Variants in GAPVD1 observed in about 807,000 individuals in gnomAD.
The protein encoded by GAPVD1 is GTPase-activating protein and VPS9 domain-containing protein 1.
In GAPVD1, 35 loss-of-function variants were observed where a neutral mutation model predicts 155.5. That is an observed-to-expected ratio of 0.23 (90% CI 0.17 to 0.30). The LOEUF is 0.30. GAPVD1 is among the 10% of genes least tolerant of loss of function. The pLI is 1.00. For synonymous variants in GAPVD1, 636 were observed against 619.7 expected (o/e 1.03, Z -0.39); for missense variants, 1,429 against 1,775.7 (o/e 0.80, Z 3.51).
At chr9:125,321,097 AAGGTT>A (rs1199655068) in intron 9 of GAPVD1, among the ~76,000 whole-genome samples, 2 of 152,180 alleles carry the variant, frequency 1.3e-5, no homozygotes, top group African/African-American at 4.8e-5. Context: ...TTGCCTATCC[AAGGTT>A]ACATAGTTGA....
intron 2 of GAPVD1, among the ~76,000 whole-genome samples, chr9:125,278,025 A>C (rs1426564622): frequency 6.6e-6 from 1 of 152,148 alleles, no homozygotes; most frequent in Non-Finnish European, 1.5e-5. Flanking sequence ...TTAATGCCTG[A>C]CAATTTTTAG....
At position 125,356,922 on chromosome 9, in the gene GAPVD1, G is replaced by T. The variant is rs139725849; in HGVS notation, c.3971+1065G>T. ...ACTTCTGACCTCAGATGATCCGCTCGTCTTGGCCTCCCAAAGTGCTGAGAT... is the reference window on the plus strand; with the variant it reads ...ACTTCTGACCTCAGATGATCCGCTCTTCTTGGCCTCCCAAAGTGCTGAGAT... On this transcript the variant is annotated intron_variant, in intron 25 of 27. Transcript: ENST00000297933. Among the ~76,000 whole-genome samples the T allele has an allele frequency of 2.0e-3, 297 of 152,294 alleles. 1 individual carries two copies. The highest frequency in any genetic ancestry group is 6.1e-3 in the African/African-American group (255 of 41,558).
At chr9:125,348,190 G>A (rs903575799) in intron 20 of GAPVD1, among the ~76,000 whole-genome samples, 1 of 151,984 alleles carries the variant, frequency 6.6e-6, no homozygotes, top group Non-Finnish European at 1.5e-5. Context: ...TGAGTAGCTG[G>A]GACCACAAGC....
At position 125,355,761 on chromosome 9, in the gene GAPVD1, T is replaced by G; in HGVS notation, c.3875T>G (p.Leu1292Arg). ...VIWQNASEEQ[L>R]QDAQLAIERS... is the part of the protein sequence containing the mutation. ...TGGCAAAACGCGAGTGAAGAACAGC[T>G]TCAAGATGCACAGCTGGCCATTGAG... Residue 1292 changes from leucine (L) to arginine (R), a missense_variant, in exon 25 of 28, where the codon CTT (leucine) becomes CGT (arginine). Transcript: ENST00000297933. 6.2e-7 allele frequency: 1 copy of G among 1,613,296 alleles called. No homozygotes were observed. The highest frequency in any genetic ancestry group is 1.1e-5 in the South Asian group (1 of 91,064).
intron 11 of GAPVD1, 117 bp downstream of exon 11, chr9:125,324,040 C>CCTG: frequency 1.3e-6 from 1 of 799,268 alleles, no homozygotes; most frequent in South Asian, 1.7e-5. Context: ...CACCATTAAA[C>CCTG]TTAACATTTA....
intron 2 of GAPVD1, among the ~76,000 whole-genome samples, chr9:125,286,573 A>T (rs1837742450): frequency 6.6e-6 from 1 of 152,170 alleles, no homozygotes; most frequent in African/African-American, 2.4e-5. Flanking sequence ...ATGTTAATTT[A>T]AAAATTCTTT....
intron 2 of GAPVD1, among the ~76,000 whole-genome samples, chr9:125,278,873 G>T (rs1338245189): frequency 6.6e-6 from 1 of 151,680 alleles, no homozygotes; most frequent in Non-Finnish European, 1.5e-5. Flanking sequence ...AAAATTATTT[G>T]ATTGATAAAA....
At chr9:125,307,156 T>C (rs1471233380) in intron 6 of GAPVD1, among the ~76,000 whole-genome samples, 3 of 151,608 alleles carry the variant, frequency 2.0e-5, no homozygotes, top group Non-Finnish European at 4.4e-5. Context: ...TCCCAGCTAC[T>C]CGGGAGGCTG....
At chr9:125,357,518 G>T (rs1326397543) in intron 25 of GAPVD1, among the ~76,000 whole-genome samples, 1 of 152,138 alleles carries the variant, frequency 6.6e-6, no homozygotes, top group African/African-American at 2.4e-5. Flanking sequence ...GGCAGAGGTT[G>T]CAGTGAGCTG....
rs545833903 is a variant in GAPVD1, at chr9:125,326,684, T to A, written c.2032+95T>A. Reference sequence around the variant, plus strand: ...GGAGCACCAGTGCCCTGACAAACATTGTGTGTGTTAGCACCATCTGGGAAA... The same window carrying A: ...GGAGCACCAGTGCCCTGACAAACATAGTGTGTGTTAGCACCATCTGGGAAA... On this transcript the variant is annotated intron_variant, in intron 12 of 27. Transcript: ENST00000297933. 214 of 838,282 alleles carry A rather than the reference T, an allele frequency of 2.6e-4. 1 individual carries two copies. Among genetic ancestry groups the A allele is most frequent in the Middle Eastern group, 1.8e-3 (8 of 4,408 alleles). 51.9% of individuals were successfully genotyped at this position (838,282 alleles called of 1,614,324 possible).
chr9:125,342,911 G>A (rs1310154295), intron 19 of GAPVD1, among the ~76,000 whole-genome samples: 1 of 152,252 alleles, frequency 6.6e-6, no homozygotes, highest in Middle Eastern at 3.4e-3. Flanking sequence ...AAATACAGCT[G>A]GGGGTTGGGT....
intron 17 of GAPVD1, among the ~76,000 whole-genome samples, chr9:125,338,594 TC>T (rs1382820843): frequency 6.6e-6 from 1 of 152,250 alleles, no homozygotes; most frequent in Non-Finnish European, 1.5e-5. Context: ...TCTCGAATGT[TC>T]CTCAGGTTAG....
chr9:125,363,910 T>A lies in GAPVD1; in HGVS notation c.*1164T>A, dbSNP rs1482376162. On this transcript the variant is annotated 3_prime_UTR_variant, in exon 28 of 28. Transcript: ENST00000297933. ...AAAGTCTGTGTTTTCATAGTTTGGT[T>A]TGCATTGTATATCAATAATTAATCA... The A allele has an allele frequency of 6.6e-6, 1 of 152,648 alleles. No individual in the cohort carries two copies. Among genetic ancestry groups the A allele is most frequent in the African/African-American group, 2.4e-5 (1 of 41,448 alleles). 9.5% of individuals were successfully genotyped at this position (152,648 alleles called of 1,614,324 possible).
At position 125,298,870 on chromosome 9, in the gene GAPVD1, C is replaced by A; in HGVS notation, c.-32-20C>A. On this transcript the variant is annotated intron_variant, in intron 3 of 27. Coordinates refer to ENST00000297933, the MANE Select transcript of GAPVD1 (RefSeq NM_001282680.3). ...TAAGTGACATACATAAACTTTAAAT[C>A]TTTATCTTTTTACTCTTAGTGATCA... 1 of 1,080,052 alleles carries A rather than the reference C, an allele frequency of 9.3e-7. No homozygotes were observed. The highest frequency in any genetic ancestry group is 1.3e-6 in the Non-Finnish European group (1 of 746,256). The allele number at this position is 1,080,052 out of a possible 1,614,324, so 66.9% of individuals were successfully genotyped here. A position where few individuals can be genotyped will look rare whatever the true frequency, so the allele number is the denominator to read the frequency against.
At chr9:125,346,795 C>G (rs751580163) in intron 19 of GAPVD1, 24 bp from the exon 20 acceptor site, 2 of 1,604,118 alleles carry the variant, frequency 1.2e-6, no homozygotes, top group Non-Finnish European at 8.5e-7. Flanking sequence ...GGGGCTAATT[C>G]TCTCACTCTC....
At chr9:125,342,172 A>C in intron 18 of GAPVD1, 47 bp from the exon 19 acceptor site, 1 of 895,124 alleles carries the variant, frequency 1.1e-6, no homozygotes, top group Non-Finnish European at 1.9e-6. Context: ...ACTTCCGAGT[A>C]GTGCAGTATG....
chr9:125,338,281 CCAGTACCCCTAAACACTT>C (rs1228278797), intron 17 of GAPVD1, among the ~76,000 whole-genome samples: 1 of 152,214 alleles, frequency 6.6e-6, no homozygotes, highest in East Asian at 1.9e-4. Flanking sequence ...ACCTGATGCT[CCAGTACCCCTAAACACTT>C]CAGTGTAAGT....
At chr9:125,294,491 C>CTA (rs1839513659) in intron 2 of GAPVD1, among the ~76,000 whole-genome samples, 1 of 150,840 alleles carries the variant, frequency 6.6e-6, no homozygotes, top group African/African-American at 2.4e-5. Context: ...GGACTACAGG[C>CTA]GCGTGTCACC....
intron 5 of GAPVD1, 152 bp from the exon 6 acceptor site, chr9:125,304,911 G>T (rs928128846): frequency 4.4e-6 from 2 of 458,340 alleles, no homozygotes; most frequent in Non-Finnish European, 8.0e-6. Flanking sequence ...CACATTTTTT[G>T]GGGGATACTA....
Sources: gnomAD v4.1 joint callset for allele counts (sites outside exome capture counted in the v4.1 genomes callset) on GRCh38, gnomAD v4.1.1 for gene constraint, MANE v1.5 for transcripts, NCBI Gene and HGNC (gene_info 2026-07-23, HGNC 2026-07-21) for gene names.